The following HECW1 variants were observed in gnomAD, a reference collection of about 807,000 sequenced individuals.
HECW1 encodes the protein E3 ubiquitin-protein ligase HECW1.
HECW1 carries 61 observed loss-of-function variants against 182.3 expected under a neutral mutation model. The observed-to-expected ratio is 0.33, with a 90% confidence interval of 0.27 to 0.41. The LOEUF (loss-of-function observed/expected upper bound fraction) is 0.41, where lower values mean the gene tolerates loss of function less well. HECW1 is among the 10% of genes least tolerant of loss of function. HECW1 has a pLI of 1.00. For synonymous variants in HECW1, 859 were observed against 832.6 expected (o/e 1.03, Z -0.55); for missense variants, 1,739 against 2,108.9 (o/e 0.82, Z 3.44).
chr7:43,368,199 A>G (rs1379611940), intron 6 of HECW1, among the ~76,000 whole-genome samples: 1 of 152,250 alleles, frequency 6.6e-6, no homozygotes, highest in Non-Finnish European at 1.5e-5. Context: ...GAGACAGACA[A>G]GAAAACAGGC....
chr7:43,470,688 T>C (rs1376412077), intron 16 of HECW1, among the ~76,000 whole-genome samples: 1 of 152,198 alleles, frequency 6.6e-6, no homozygotes, highest in Non-Finnish European at 1.5e-5. Flanking sequence ...GAATTTCAAA[T>C]GAGAAGACTT....
intron 6 of HECW1, among the ~76,000 whole-genome samples, chr7:43,371,677 A>G (rs779628472): frequency 6.6e-6 from 1 of 152,184 alleles, no homozygotes; most frequent in Non-Finnish European, 1.5e-5. Flanking sequence ...AAAATTATTC[A>G]TTGCTGCATT....
intron 8 of HECW1, among the ~76,000 whole-genome samples, chr7:43,419,484 T>A (rs1000371646): frequency 6.6e-6 from 1 of 152,250 alleles, no homozygotes; most frequent in Non-Finnish European, 1.5e-5. Flanking sequence ...TAAGTTATCC[T>A]ATAAGCTAAT....
chr7:43,491,950 A>G lies in HECW1; in HGVS notation c.3235-125A>G, dbSNP rs144019567. ...ACTTTTGTAAGCTTTCTTTTCCATC[A>G]CTTTTTTACTTTTTCAACTTAGGTG... On this transcript the variant is annotated intron_variant, in intron 17 of 29. Transcript: ENST00000395891. 2,751 of 655,654 alleles carry G rather than the reference A, an allele frequency of 4.2e-3. 11 individuals carry two copies. The highest frequency in any genetic ancestry group is 5.9e-3 in the Non-Finnish European group (2,203 of 372,118). 40.6% of individuals were successfully genotyped at this position (655,654 alleles called of 1,614,324 possible).
At chr7:43,428,562 G>A (rs946532559) in intron 8 of HECW1, among the ~76,000 whole-genome samples, 4 of 152,206 alleles carry the variant, frequency 2.6e-5, no homozygotes, top group African/African-American at 9.6e-5. Flanking sequence ...GGAAAGAATG[G>A]ACTCTAGAGT....
intron 6 of HECW1, among the ~76,000 whole-genome samples, chr7:43,378,910 C>T (rs1325913056): frequency 6.6e-6 from 1 of 152,066 alleles, no homozygotes; most frequent in African/African-American, 2.4e-5. Context: ...AAATAAAAAA[C>T]CCTTTGCGCT....
intron 2 of HECW1, among the ~76,000 whole-genome samples, chr7:43,229,670 G>A (rs900138463): frequency 1.3e-5 from 2 of 152,166 alleles, no homozygotes; most frequent in East Asian, 3.9e-4. Flanking sequence ...TAAATAAAGC[G>A]GCCTCTGATT....
At chr7:43,530,470 A>G (rs972959312) in intron 24 of HECW1, among the ~76,000 whole-genome samples, 5 of 151,950 alleles carry the variant, frequency 3.3e-5, no homozygotes, top group Non-Finnish European at 7.4e-5. Context: ...AATAAATGCC[A>G]TTATTCTTCT....
At chr7:43,136,151 T>A (rs1787514782) in intron 2 of HECW1, among the ~76,000 whole-genome samples, 1 of 152,130 alleles carries the variant, frequency 6.6e-6, no homozygotes, top group South Asian at 2.1e-4. Flanking sequence ...AAGAACCTCG[T>A]CCTGTCTCTA....
chr7:43,553,545 T>C (rs905738520), intron 28 of HECW1, among the ~76,000 whole-genome samples: 5 of 151,890 alleles, frequency 3.3e-5, no homozygotes, highest in Non-Finnish European at 1.5e-5. Flanking sequence ...GGCACATGCC[T>C]GTAGTCCCAG....
At chr7:43,244,487 G>C (rs914760483) in intron 3 of HECW1, among the ~76,000 whole-genome samples, 3 of 152,166 alleles carry the variant, frequency 2.0e-5, no homozygotes, top group Admixed American at 6.5e-5. Context: ...TTTTACTTTT[G>C]GTGACAGCCC....
chr7:43,128,036 A>T (rs867588878), intron 2 of HECW1, among the ~76,000 whole-genome samples: 63 of 151,948 alleles, frequency 4.1e-4, no homozygotes, highest in African/African-American at 1.4e-3. Context: ...GCACCACCAC[A>T]TTGGGCTAAT....
intron 24 of HECW1, among the ~76,000 whole-genome samples, chr7:43,536,891 A>G (rs1585227739): frequency 6.6e-6 from 1 of 152,218 alleles, no homozygotes; most frequent in Non-Finnish European, 1.5e-5. Flanking sequence ...CTGGCAAAGT[A>G]AAACTGAGCA....
rs1231637807 is a variant in HECW1 at position 43,416,572 on chromosome 7, A to C, written c.801+8841A>C. The stretch of plus-strand genomic sequence containing the variant: ...TGGGCTCCACCCAGTTCGAGCTTCC[A>C]GGCTGCTTTGTTTACCTAAGCAAGC... On this transcript the variant is annotated intron_variant, in intron 8 of 29. Coordinates refer to ENST00000395891, the MANE Select transcript of HECW1 (RefSeq NM_015052.5). Among the ~76,000 whole-genome samples the C allele has an allele frequency of 1.4e-3, 215 of 148,416 alleles. 1 individual carries two copies. In the East Asian group the frequency reaches 0.026, roughly 18 times the overall value.
At chr7:43,476,818 C>T (rs1474550008) in intron 16 of HECW1, among the ~76,000 whole-genome samples, 3 of 151,996 alleles carry the variant, frequency 2.0e-5, no homozygotes, top group Non-Finnish European at 4.4e-5. Flanking sequence ...GATTAACTCA[C>T]CTAAACTAAA....
At chr7:43,460,131 T>C (rs1342695719) in intron 13 of HECW1, among the ~76,000 whole-genome samples, 1 of 152,234 alleles carries the variant, frequency 6.6e-6, no homozygotes, top group Non-Finnish European at 1.5e-5. Context: ...TGCCTTATAG[T>C]GGAGGGTTTC....
At chr7:43,252,961 T>G (rs149113857) in intron 3 of HECW1, among the ~76,000 whole-genome samples, 2 of 152,300 alleles carry the variant, frequency 1.3e-5, no homozygotes, top group African/African-American at 4.8e-5. Context: ...CCAACCTTGG[T>G]TAGAGTTCAA....
In HECW1 at chr7:43,562,010, A is replaced by T; in HGVS notation, c.*84A>T. 2.6e-6 allele frequency: 2 copies of T among 757,890 alleles called. No homozygotes were observed. Among genetic ancestry groups the T allele is most frequent in the Non-Finnish European group, 4.5e-6 (2 of 443,194 alleles). The allele number at this position is 757,890 out of a possible 1,614,324, so 46.9% of individuals were successfully genotyped here. On this transcript the variant is annotated 3_prime_UTR_variant, in exon 30 of 30. Coordinates refer to ENST00000395891, the MANE Select transcript of HECW1 (RefSeq NM_015052.5). ...TCCCCTTTTCCCTTTCCCTTAATCA[A>T]CTCTCCTTTGATTTTGGTATTCCAT...
chr7:43,120,104 A>C (rs1785434881), intron 2 of HECW1, among the ~76,000 whole-genome samples: 1 of 152,180 alleles, frequency 6.6e-6, no homozygotes, highest in Non-Finnish European at 1.5e-5. Context: ...TGGAGTGGAC[A>C]TTGTGTTACT....
Sources: allele counts gnomAD v4.1 joint callset (sites outside exome capture counted in the v4.1 genomes callset), GRCh38; gene constraint gnomAD v4.1.1; transcripts MANE v1.5; gene names NCBI Gene and HGNC (gene_info 2026-07-23, HGNC 2026-07-21).